FOXO3: variants seen among roughly 807,000 people sequenced by gnomAD.
The protein encoded by FOXO3 is forkhead box protein O3.
Under a neutral mutation model 41.9 loss-of-function variants are expected in FOXO3, and 4 were observed. That is an observed-to-expected ratio of 0.10 (90% CI 0.05 to 0.22). The LOEUF is 0.22. FOXO3 is among the 10% of genes least tolerant of loss of function. The pLI, the probability that FOXO3 is intolerant of heterozygous loss-of-function variation, is 1.00. For missense variants in FOXO3, 534 were observed against 906.8 expected (o/e 0.59, Z 5.28); for synonymous variants, 318 against 389.3 (o/e 0.82, Z 2.16).
At chr6:108,576,540 T>A (rs1776266507) in intron 1 of FOXO3, among the ~76,000 whole-genome samples, 1 of 152,240 alleles carries the variant, frequency 6.6e-6, no homozygotes, top group Non-Finnish European at 1.5e-5. Flanking sequence ...GTCTTCTAAG[T>A]TGGCTTTAAA....
At position 108,658,663 on chromosome 6, in the gene FOXO3, T is replaced by C. The variant is rs542701379; in HGVS notation, c.622-4792T>C. ...GTCTCAAACTCCTGATCTCAGGTGA[T>C]CTATCCCCGCTTGGCCTCCCAAAGT... On this transcript the variant is annotated intron_variant, in intron 1 of 2. Coordinates refer to ENST00000406360, the MANE Select transcript of FOXO3 (RefSeq NM_001455.4). Among the ~76,000 whole-genome samples, 21 of 152,030 alleles carry C rather than the reference T, an allele frequency of 1.4e-4. No individual in the cohort carries two copies. The South Asian group carries it at 3.9e-3, about 29-fold the overall frequency.
chr6:108,665,475 C>G (rs1582831310), intron 2 of FOXO3, among the ~76,000 whole-genome samples: 1 of 152,110 alleles, frequency 6.6e-6, no homozygotes. Context: ...GTTAATTATT[C>G]TTTATCTTAG....
chr6:108,563,036 C>T (rs755922750), intron 1 of FOXO3, among the ~76,000 whole-genome samples: 1 of 152,058 alleles, frequency 6.6e-6, no homozygotes, highest in Non-Finnish European at 1.5e-5. Flanking sequence ...GTAGTTGCTT[C>T]CTCCTTCCCT....
At chr6:108,601,840 A>G (rs1777064659) in intron 1 of FOXO3, among the ~76,000 whole-genome samples, 1 of 152,220 alleles carries the variant, frequency 6.6e-6, no homozygotes, top group Non-Finnish European at 1.5e-5. Flanking sequence ...TTTGTTACTC[A>G]GTAGTGTTCC....
At chr6:108,653,927 G>A (rs375544946) in intron 1 of FOXO3, among the ~76,000 whole-genome samples, 13 of 152,198 alleles carry the variant, frequency 8.5e-5, no homozygotes, top group African/African-American at 2.9e-4. Flanking sequence ...AATTTCAGTA[G>A]CATGTGTTTG....
At chr6:108,595,203 G>C (rs60065805) in intron 1 of FOXO3, among the ~76,000 whole-genome samples, 2,429 of 152,202 alleles carry the variant, frequency 0.016, 64 homozygotes, top group African/African-American at 0.056. Context: ...TATTTCTGTT[G>C]AGCTTATGAG....
At chr6:108,580,369 G>A (rs1046581739) in intron 1 of FOXO3, among the ~76,000 whole-genome samples, 2 of 151,646 alleles carry the variant, frequency 1.3e-5, no homozygotes, top group Admixed American at 6.6e-5. Context: ...GTAGAGGCGG[G>A]GTTTCACTAT....
At chr6:108,648,260 A>G (rs929772566) in intron 1 of FOXO3, among the ~76,000 whole-genome samples, 1 of 152,222 alleles carries the variant, frequency 6.6e-6, no homozygotes, top group Admixed American at 6.5e-5. Flanking sequence ...AGATGGGAGT[A>G]GGAATGGACA....
intron 1 of FOXO3, among the ~76,000 whole-genome samples, chr6:108,578,192 G>A (rs912139138): frequency 1.3e-5 from 2 of 152,112 alleles, no homozygotes; most frequent in African/African-American, 2.4e-5. Flanking sequence ...CATCACGTAG[G>A]AACATCACGC....
intron 1 of FOXO3, among the ~76,000 whole-genome samples, chr6:108,642,886 G>A (rs1778297727): frequency 6.6e-6 from 1 of 152,210 alleles, no homozygotes; most frequent in African/African-American, 2.4e-5. Context: ...ATAAAGTCCA[G>A]TTAGTGGTTC....
chr6:108,576,406 G>A (rs1253751699), intron 1 of FOXO3, among the ~76,000 whole-genome samples: 4 of 152,184 alleles, frequency 2.6e-5, no homozygotes, highest in African/African-American at 4.8e-5. Context: ...GGGAAGAGAA[G>A]TTTATTCCAA....
intron 1 of FOXO3, among the ~76,000 whole-genome samples, chr6:108,654,190 G>A (rs1343410961): frequency 6.6e-6 from 1 of 152,112 alleles, no homozygotes; most frequent in Non-Finnish European, 1.5e-5. Context: ...AGACTGCCAG[G>A]GTTCTCTGTG....
chr6:108,600,218 T>G (rs1777006878), intron 1 of FOXO3, among the ~76,000 whole-genome samples: 1 of 152,172 alleles, frequency 6.6e-6, no homozygotes, highest in Admixed American at 6.5e-5. Flanking sequence ...TCCATCGATA[T>G]GAGCCTTTAT....
intron 1 of FOXO3, among the ~76,000 whole-genome samples, chr6:108,610,525 G>A (rs1562243441): frequency 6.6e-6 from 1 of 152,196 alleles, no homozygotes. Flanking sequence ...AGTTTTGTGT[G>A]TGCCCCTGTG....
intron 1 of FOXO3, among the ~76,000 whole-genome samples, chr6:108,639,893 G>A (rs995128542): frequency 6.6e-6 from 1 of 152,148 alleles, no homozygotes; most frequent in Non-Finnish European, 1.5e-5. Flanking sequence ...ATTACTGTGA[G>A]GTTCAGAAAG....
intron 1 of FOXO3, among the ~76,000 whole-genome samples, chr6:108,642,263 A>T (rs1211677173): frequency 6.6e-6 from 1 of 151,810 alleles, no homozygotes; most frequent in Non-Finnish European, 1.5e-5. Context: ...TAATTTTCAA[A>T]ATTTTTTTGT....
chr6:108,606,875 G>A (rs1329143537), intron 1 of FOXO3, among the ~76,000 whole-genome samples: 2 of 151,980 alleles, frequency 1.3e-5, no homozygotes, highest in Non-Finnish European at 2.9e-5. Flanking sequence ...GTGAGGATGG[G>A]GGTCCCATAA....
intron 1 of FOXO3, among the ~76,000 whole-genome samples, chr6:108,599,968 C>T (rs1037717198): frequency 7.2e-5 from 11 of 152,150 alleles, no homozygotes; most frequent in Admixed American, 2.6e-4. Context: ...GAGGAAGGTC[C>T]TCTATGTGAG....
intron 1 of FOXO3, among the ~76,000 whole-genome samples, chr6:108,568,587 T>C (rs985837981): frequency 6.6e-6 from 1 of 152,164 alleles, no homozygotes; most frequent in Non-Finnish European, 1.5e-5. Context: ...GACAAATAAG[T>C]GTTTCTAATA....
Sources: allele counts gnomAD v4.1 joint callset (sites outside exome capture counted in the v4.1 genomes callset), GRCh38; gene constraint gnomAD v4.1.1; transcripts MANE v1.5; gene names NCBI Gene and HGNC (gene_info 2026-07-23, HGNC 2026-07-21).